EMC3: variants seen among roughly 807,000 people sequenced by gnomAD.
EMC3 encodes ER membrane protein complex subunit 3, also known as 30 kDa protein.
A neutral mutation model predicts 36.6 loss-of-function variants in EMC3; 13 were observed. The ratio of observed to expected loss-of-function variants is 0.35; its 90% CI spans 0.23 to 0.56. EMC3 has a LOEUF of 0.56. Ranked by LOEUF, EMC3 falls within the 20% of genes least tolerant of loss-of-function variation. The probability of loss-of-function intolerance (pLI) is 0.84; values close to 1 mark genes in which losing one functional copy is unlikely to be tolerated. For missense variants in EMC3, 220 were observed against 324.5 expected, an observed-to-expected ratio of 0.68 and a Z score of 2.47; for synonymous variants, 120 against 111.9, an observed-to-expected ratio of 1.07 and a Z score of -0.46.
chr3:9,982,761 C>T (rs888368805), intron 1 of EMC3, among the ~76,000 whole-genome samples: 1 of 151,880 alleles, frequency 6.6e-6, no homozygotes, highest in African/African-American at 2.4e-5. Flanking sequence ...GTGGCACACG[C>T]TTATAATCCC....
Position 9,986,650 on chromosome 3 carries a change from T to C in EMC3, c.12A>G (p.Pro4=). The stretch of plus-strand genomic sequence containing the variant: ...GGATGTTGGAGTCGAGCAACAGTTC[T>C]GGCCCTGCCATCTTCACTGAAAGCT... MAG[P]ELLLDSNIRL... is the part of the protein sequence containing the mutation. The change falls in exon 1 of 8, where the codon CCA becomes CCG. Residue 4 remains proline (P), a synonymous_variant. Coordinates refer to ENST00000245046, the MANE Select transcript of EMC3 (RefSeq NM_001394674.1). The C allele has an allele frequency of 6.2e-7, 1 of 1,614,182 alleles. No individual in the cohort carries two copies. Among genetic ancestry groups the C allele is most frequent in the African/African-American group, 1.3e-5 (1 of 75,064 alleles).
At chr3:9,980,557 T>G (rs908832082) in intron 1 of EMC3, among the ~76,000 whole-genome samples, 16 of 149,742 alleles carry the variant, frequency 1.1e-4, no homozygotes, top group Middle Eastern at 3.4e-3. Context: ...TTTTTTTGTT[T>G]TTTTTTTTTT....
intron 4 of EMC3, 142 bp from the exon 5 acceptor site, chr3:9,973,851 G>A: frequency 1.3e-6 from 1 of 750,612 alleles, no homozygotes; most frequent in East Asian, 2.6e-5. Context: ...GGCAATTTCT[G>A]AAGAAAAGAC....
chr3:10,000,812 A>C, intron 1 of EMC3: 1 of 491,712 alleles, frequency 2.0e-6, no homozygotes, highest in East Asian at 5.7e-5. Context: ...GTGTAAGAGA[A>C]TCCAACAGCC....
chr3:9,966,438 A>T (rs1423362174), intron 7 of EMC3, among the ~76,000 whole-genome samples: 1 of 151,600 alleles, frequency 6.6e-6, no homozygotes, highest in Non-Finnish European at 1.5e-5. Flanking sequence ...GACCAAGCTG[A>T]TCTTGAACTT....
chr3:9,968,920 T>A (rs1474020285), intron 7 of EMC3: 5 of 151,908 alleles, frequency 3.3e-5, no homozygotes, highest in Admixed American at 3.3e-4. Flanking sequence ...CCTCCTGAGT[T>A]CAAGCAATTC....
At position 9,969,764 on chromosome 3, in the gene EMC3, C is replaced by T. The variant is rs750928141; in HGVS notation, c.612G>A (p.Thr204=). 9 of 1,613,868 alleles carry T rather than the reference C, an allele frequency of 5.6e-6. No homozygotes were observed. Among genetic ancestry groups the T allele is most frequent in the East Asian group, 2.2e-5 (1 of 44,888 alleles). ...CTGCGGGCATGGCCATGGCTGCTCCCGTCATCTGCTCCTGCATCATTCGTG... is the reference window on the plus strand; with the variant it reads ...CTGCGGGCATGGCCATGGCTGCTCCTGTCATCTGCTCCTGCATCATTCGTG... The part of the protein sequence containing the change: ...DQSRMMQEQM[T]GAAMAMPADT... Residue 204 remains threonine, a synonymous_variant, in exon 7 of 8, where the codon ACG becomes ACA. Coordinates refer to ENST00000245046, the MANE Select transcript of EMC3 (RefSeq NM_001394674.1).
chr3:10,001,855 C>T (rs1238603259), intron 1 of EMC3, among the ~76,000 whole-genome samples: 5 of 151,908 alleles, frequency 3.3e-5, no homozygotes, highest in African/African-American at 9.7e-5. Flanking sequence ...AAAAGTTAGC[C>T]AGGCGTGGTG....
intron 1 of EMC3, among the ~76,000 whole-genome samples, chr3:9,980,993 TG>T (rs2085905522): frequency 6.6e-6 from 1 of 151,956 alleles, no homozygotes; most frequent in Non-Finnish European, 1.5e-5. Context: ...CCTGGAGCCC[TG>T]GAGTTCAAGA....
chr3:9,984,360 G>A (rs1489439796), intron 1 of EMC3, among the ~76,000 whole-genome samples: 2 of 151,064 alleles, frequency 1.3e-5, no homozygotes, highest in East Asian at 2.0e-4. Context: ...GATTACAGGC[G>A]TAAGCCACCA....
chr3:10,010,460 A>G (rs1311161047), intron 1 of EMC3: 1 of 152,184 alleles, frequency 6.6e-6, no homozygotes, highest in African/African-American at 2.4e-5. Flanking sequence ...AATCTAGTTA[A>G]TGTCACCTCC....
intron 1 of EMC3, among the ~76,000 whole-genome samples, chr3:9,999,611 A>G (rs1329641386): frequency 2.6e-5 from 4 of 152,140 alleles, no homozygotes; most frequent in South Asian, 2.1e-4. Flanking sequence ...ATGATCACAC[A>G]TAGTTTTAAA....
chr3:9,996,893 G>C (rs2086132968), intron 1 of EMC3, among the ~76,000 whole-genome samples: 1 of 152,130 alleles, frequency 6.6e-6, no homozygotes, highest in South Asian at 2.1e-4. Flanking sequence ...CCTTAAATCA[G>C]TAATATAAAG....
intron 1 of EMC3, among the ~76,000 whole-genome samples, chr3:9,984,355 C>G (rs1476008626): frequency 6.6e-6 from 1 of 151,918 alleles, no homozygotes; most frequent in African/African-American, 2.4e-5. Context: ...GTTGGGATTA[C>G]AGGCGTAAGC....
chr3:9,976,002 G>A (rs980727919), intron 3 of EMC3, among the ~76,000 whole-genome samples: 4 of 151,918 alleles, frequency 2.6e-5, no homozygotes, highest in South Asian at 2.1e-4. Flanking sequence ...AATACCTTCC[G>A]TATGGGTTTA....
intron 1 of EMC3, chr3:10,003,245 C>T (rs2124939958): frequency 4.4e-6 from 2 of 456,556 alleles, no homozygotes; most frequent in East Asian, 6.9e-5. Flanking sequence ...GTCATTCAGG[C>T]TGGGCAGCCC....
At chr3:10,008,691 C>T in intron 1 of EMC3, 2 of 349,832 alleles carry the variant, frequency 5.7e-6, no homozygotes, top group East Asian at 7.9e-5. Flanking sequence ...CTGTTTACCC[C>T]GTCCCAGGCT....
chr3:9,997,948 T>C (rs1192688958), intron 1 of EMC3, among the ~76,000 whole-genome samples: 2 of 152,194 alleles, frequency 1.3e-5, no homozygotes, highest in Non-Finnish European at 2.9e-5. Context: ...GATGAACATA[T>C]GTTTACCATT....
chr3:9,996,939 G>A (rs1294393415), intron 1 of EMC3, among the ~76,000 whole-genome samples: 2 of 151,988 alleles, frequency 1.3e-5, no homozygotes, highest in Non-Finnish European at 2.9e-5. Context: ...TTGATATAAC[G>A]TAAAATATAC....
Sources: gnomAD v4.1 joint callset for allele counts (sites outside exome capture counted in the v4.1 genomes callset) on GRCh38, gnomAD v4.1.1 for gene constraint, MANE v1.5 for transcripts, NCBI Gene and HGNC (gene_info 2026-07-23, HGNC 2026-07-21) for gene names.